SHANK2: variants seen among roughly 807,000 people sequenced by gnomAD.
SHANK2 encodes the protein SH3 and multiple ankyrin repeat domains 2.
A neutral mutation model predicts 133.7 loss-of-function variants in SHANK2; 43 were observed. The observed-to-expected ratio is 0.32, with a 90% CI of 0.25 to 0.41. SHANK2 has a LOEUF of 0.41. Among genes scored for constraint, SHANK2 ranks in the 10% least tolerant of loss-of-function variants. The pLI is 1.00. For missense variants in SHANK2, 1,994 were observed against 2,235.8 expected, an observed-to-expected ratio of 0.89 and a Z score of 2.18; for synonymous variants, 1,017 against 952.8, an observed-to-expected ratio of 1.07 and a Z score of -1.24.
chr11:71,230,131 A>G (rs3020027), intron 1 of SHANK2, among the ~76,000 whole-genome samples: 14,464 of 152,184 alleles, frequency 0.095, 1,878 homozygotes, highest in African/African-American at 0.29. Flanking sequence ...TCTACTAAAA[A>G]CACAAAAAAT....
At position 70,805,082 on chromosome 11, in the gene SHANK2, C is replaced by T. The variant is rs141154811; in HGVS notation, c.1663+1920G>A. 3.0e-3 allele frequency among the ~76,000 whole-genome samples: 460 copies of T among 152,296 alleles called. 8 individuals carry two copies. Among genetic ancestry groups the T allele is most frequent in the African/African-American group, 0.011 (444 of 41,556 alleles). On this transcript the variant is annotated intron_variant, in intron 13 of 25. Transcript: ENST00000601538. ...TGAGTGAGTCCACAGATGCCCAGCC[C>T]CAGGCTCTAGGTTCATCTTCACAGG...
intron 11 of SHANK2, among the ~76,000 whole-genome samples, chr11:70,874,268 C>CAATCT (rs1314779349): frequency 8.5e-5 from 13 of 152,082 alleles, no homozygotes; most frequent in African/African-American, 1.4e-4. Flanking sequence ...TAATCTAATC[C>CAATCT]AATCTAATCT....
chr11:70,663,583 T>C (rs1944619101), intron 15 of SHANK2, among the ~76,000 whole-genome samples: 1 of 152,116 alleles, frequency 6.6e-6, no homozygotes, highest in East Asian at 1.9e-4. Flanking sequence ...GCATGAATGA[T>C]AGCTTCACAG....
chr11:70,577,567 T>C (rs529651382), intron 17 of SHANK2, among the ~76,000 whole-genome samples: 2 of 152,324 alleles, frequency 1.3e-5, no homozygotes, highest in South Asian at 2.1e-4. Context: ...CTGCTACTCC[T>C]TTTGCAGGGG....
At chr11:71,134,738 A>G (rs1952405550) in intron 3 of SHANK2, among the ~76,000 whole-genome samples, 2 of 151,992 alleles carry the variant, frequency 1.3e-5, no homozygotes, top group Admixed American at 6.6e-5. Context: ...AGAAACTGCA[A>G]AGACGCAGGC....
chr11:71,057,631 C>T (rs1212174604), intron 9 of SHANK2, among the ~76,000 whole-genome samples: 1 of 152,056 alleles, frequency 6.6e-6, no homozygotes, highest in South Asian at 2.1e-4. Flanking sequence ...CTCGCTGCAA[C>T]CTTCATCTCT....
At chr11:71,096,241 G>C (rs1203132950) in intron 6 of SHANK2, among the ~76,000 whole-genome samples, 1 of 152,206 alleles carries the variant, frequency 6.6e-6, no homozygotes, top group Non-Finnish European at 1.5e-5. Flanking sequence ...AAGAAAAATA[G>C]AAATTTTCTG....
At chr11:70,626,984 C>A (rs1555000183) in intron 17 of SHANK2, among the ~76,000 whole-genome samples, 2 of 152,186 alleles carry the variant, frequency 1.3e-5, no homozygotes, top group Non-Finnish European at 1.5e-5. Flanking sequence ...AGACAGGGAC[C>A]CCGGGAGGCC....
chr11:71,146,471 C>T (rs1325649103), intron 3 of SHANK2, among the ~76,000 whole-genome samples: 12 of 152,326 alleles, frequency 7.9e-5, no homozygotes, highest in Admixed American at 2.0e-4. Context: ...CCAACCTCCT[C>T]GGGGAAGGCA....
At chr11:70,756,534 CTG>C (rs1332209157) in intron 14 of SHANK2, among the ~76,000 whole-genome samples, 6 of 152,162 alleles carry the variant, frequency 3.9e-5, no homozygotes. Flanking sequence ...TTCCCTCCAG[CTG>C]TGTGGGCAGG....
Position 70,472,695 on chromosome 11 carries a change from G to T in SHANK2, c.*174C>A. The T allele has an allele frequency of 4.4e-6, 3 of 676,898 alleles. No individual in the cohort carries two copies. The highest frequency in any genetic ancestry group is 7.9e-6 in the Non-Finnish European group (3 of 380,736). 41.9% of individuals were successfully genotyped at this position (676,898 alleles called of 1,614,324 possible). ...CAAGACACCCACATGGTGAGCCAGG[G>T]GTCTGAAGACCCAGCCATGTTGTGG... On this transcript the variant is annotated 3_prime_UTR_variant, in exon 26 of 26. Transcript: ENST00000601538. The surrounding 1 kb of genome is among the most constrained non-coding windows in gnomAD (Gnocchi z 4.4).
chr11:70,640,831 A>T (rs1448161407), intron 17 of SHANK2, among the ~76,000 whole-genome samples: 1 of 152,238 alleles, frequency 6.6e-6, no homozygotes, highest in Non-Finnish European at 1.5e-5. Flanking sequence ...TCCACCTTGC[A>T]GAGCTCCTAG....
intron 17 of SHANK2, among the ~76,000 whole-genome samples, chr11:70,596,321 C>T (rs532602521): frequency 6.6e-6 from 1 of 151,292 alleles, no homozygotes; most frequent in East Asian, 1.9e-4. Context: ...CGCCTGGGAA[C>T]CAAGAGGGGA....
At chr11:70,681,783 G>A (rs1555018446) in intron 15 of SHANK2, among the ~76,000 whole-genome samples, 2 of 152,072 alleles carry the variant, frequency 1.3e-5, no homozygotes, top group African/African-American at 4.8e-5. Flanking sequence ...GGGTATCCAG[G>A]CTCCACAGAG....
At chr11:70,671,307 G>C (rs769710375) in intron 15 of SHANK2, among the ~76,000 whole-genome samples, 1 of 151,996 alleles carries the variant, frequency 6.6e-6, no homozygotes, top group Non-Finnish European at 1.5e-5. Flanking sequence ...GGAGAATGCC[G>C]GCCTTGGAAG....
chr11:70,647,296 TC>T (rs1462156289), intron 17 of SHANK2: 1 of 152,298 alleles, frequency 6.6e-6, no homozygotes, highest in African/African-American at 2.4e-5. Flanking sequence ...CTTCCGGCTT[TC>T]TGCCTAAGCT....
intron 6 of SHANK2, among the ~76,000 whole-genome samples, chr11:71,095,966 T>C (rs1951604868): frequency 7.3e-6 from 1 of 136,298 alleles, no homozygotes; most frequent in Non-Finnish European, 1.7e-5. Context: ...CCTGTCTCCA[T>C]GTGAAAAGCA....
chr11:70,587,001 C>T (rs2060263133), intron 17 of SHANK2, among the ~76,000 whole-genome samples: 1 of 152,164 alleles, frequency 6.6e-6, no homozygotes, highest in African/African-American at 2.4e-5. Context: ...CTCCATGCAC[C>T]GCTGGGCACA....
At chr11:70,630,120 C>G (rs1432069356) in intron 17 of SHANK2, among the ~76,000 whole-genome samples, 1 of 152,220 alleles carries the variant, frequency 6.6e-6, no homozygotes, top group African/African-American at 2.4e-5. Flanking sequence ...TCAGCTTGCC[C>G]TATGCTAGAA....
Sources: allele counts gnomAD v4.1 joint callset (sites outside exome capture counted in the v4.1 genomes callset), GRCh38; gene constraint gnomAD v4.1.1; non-coding constraint Gnocchi (gnomAD v3.1); transcripts MANE v1.5; gene names NCBI Gene and HGNC (gene_info 2026-07-23, HGNC 2026-07-21).